Variants in METTL8 observed in about 807,000 individuals in gnomAD.
The protein encoded by METTL8 is methyltransferase 8, tRNA N3-cytidine, also known as tRNA N(3)-cytidine methyltransferase METTL8, mitochondrial.
Under a neutral mutation model 48.7 loss-of-function variants are expected in METTL8, and 32 were observed. The observed-to-expected ratio is 0.66, with a 90% CI of 0.50 to 0.88. The LOEUF is 0.88. Among genes scored for constraint, METTL8 ranks in the 40% least tolerant of loss-of-function variants. The pLI is 0.00. For missense variants in METTL8, 464 were observed against 474.4 expected (o/e 0.98, Z 0.20); for synonymous variants, 136 against 157.1 (o/e 0.87, Z 1.01).
chr2:171,387,040 A>G (rs1688122925), intron 2 of METTL8, among the ~76,000 whole-genome samples: 1 of 151,996 alleles, frequency 6.6e-6, no homozygotes, highest in Non-Finnish European at 1.5e-5. Context: ...AGCTACTTCC[A>G]CTCAGTAAAA....
chr2:171,337,438 A>T lies in METTL8; in HGVS notation c.656+15T>A, dbSNP rs1686238559. 1 of 1,568,098 alleles carries T rather than the reference A, an allele frequency of 6.4e-7. No homozygotes were observed. Among genetic ancestry groups the T allele is most frequent in the East Asian group, 2.3e-5 (1 of 44,022 alleles). ...ATATGTAAAATTCTGTAGAAAGAAAACTCTTAAAACTCACTCCAAAGTGTT... is the reference window on the plus strand; with the variant it reads ...ATATGTAAAATTCTGTAGAAAGAAATCTCTTAAAACTCACTCCAAAGTGTT... On this transcript the variant is annotated intron_variant, in intron 5 of 9. Transcript: ENST00000375258.
At chr2:171,338,954 T>A (rs1686418546) in intron 4 of METTL8, among the ~76,000 whole-genome samples, 2 of 145,484 alleles carry the variant, frequency 1.4e-5, no homozygotes, top group Admixed American at 1.4e-4. Flanking sequence ...AAACAGACAA[T>A]TTTTTTTTTT....
intron 3 of METTL8, among the ~76,000 whole-genome samples, chr2:171,345,144 G>C (rs545250818): frequency 1.1e-4 from 17 of 152,156 alleles, no homozygotes; most frequent in African/African-American, 3.6e-4. Context: ...GGGATGTAGC[G>C]ATCTGTTTAA....
At chr2:171,397,692 CAT>C (rs1275562990) in intron 1 of METTL8, among the ~76,000 whole-genome samples, 16 of 151,668 alleles carry the variant, frequency 1.1e-4, no homozygotes, top group African/African-American at 3.9e-4. Context: ...TGATATCAAA[CAT>C]GTGTTTCACA....
chr2:171,428,017 A>G (rs188974269), intron 1 of METTL8, among the ~76,000 whole-genome samples: 3 of 152,354 alleles, frequency 2.0e-5, no homozygotes, highest in African/African-American at 7.2e-5. Flanking sequence ...AAAGTATATG[A>G]ACAAAAAGCA....
chr2:171,395,505 G>A (rs1338027415), intron 1 of METTL8, among the ~76,000 whole-genome samples: 1 of 151,984 alleles, frequency 6.6e-6, no homozygotes, highest in Non-Finnish European at 1.5e-5. Context: ...CGTAAAAAAA[G>A]GTATACTATG....
chr2:171,335,980 T>C (rs879838828), intron 5 of METTL8, among the ~76,000 whole-genome samples: 5 of 152,060 alleles, frequency 3.3e-5, no homozygotes, highest in African/African-American at 4.8e-5. Context: ...AGATTGGCCA[T>C]AGATAAAAGG....
chr2:171,401,270 T>C (rs1401652047), intron 1 of METTL8, among the ~76,000 whole-genome samples: 2 of 152,124 alleles, frequency 1.3e-5, no homozygotes, highest in Non-Finnish European at 2.9e-5. Context: ...TACACTGCAG[T>C]GAAAACTGAA....
chr2:171,409,742 A>C (rs1690558721), intron 1 of METTL8, among the ~76,000 whole-genome samples: 1 of 152,114 alleles, frequency 6.6e-6, no homozygotes, highest in Non-Finnish European at 1.5e-5. Context: ...GAATGGAAGG[A>C]AGTCCTCTGA....
At chr2:171,384,072 G>C (rs1262624442) in intron 2 of METTL8, among the ~76,000 whole-genome samples, 1 of 152,180 alleles carries the variant, frequency 6.6e-6, no homozygotes, top group East Asian at 1.9e-4. Flanking sequence ...AACCAACTGT[G>C]ATGTATACAA....
At chr2:171,363,288 T>C (rs184530733) in intron 2 of METTL8, among the ~76,000 whole-genome samples, 33 of 152,246 alleles carry the variant, frequency 2.2e-4, no homozygotes, top group Admixed American at 1.8e-3. Flanking sequence ...ACTGTATTTA[T>C]GGGGACTTCC....
At chr2:171,398,025 G>A (rs151311809) in intron 1 of METTL8, among the ~76,000 whole-genome samples, 4 of 152,244 alleles carry the variant, frequency 2.6e-5, no homozygotes, top group Non-Finnish European at 5.9e-5. Flanking sequence ...GGAAATTGGA[G>A]CCCTTATTCA....
At chr2:171,429,451 A>C (rs2105682750) in intron 1 of METTL8, among the ~76,000 whole-genome samples, 1 of 152,358 alleles carries the variant, frequency 6.6e-6, no homozygotes, top group South Asian at 2.1e-4. Flanking sequence ...TCTGTAAGGA[A>C]GGTACGCCAC....
At chr2:171,359,881 G>A (rs1013097483) in intron 3 of METTL8, among the ~76,000 whole-genome samples, 7 of 152,070 alleles carry the variant, frequency 4.6e-5, no homozygotes, top group South Asian at 2.1e-4. Flanking sequence ...GTGAGCCACC[G>A]CGCCGGCTCC....
intron 1 of METTL8, among the ~76,000 whole-genome samples, chr2:171,406,839 T>C (rs955249528): frequency 3.9e-5 from 6 of 152,194 alleles, no homozygotes; most frequent in Non-Finnish European, 7.4e-5. Flanking sequence ...ATAAGTCCCA[T>C]TGTTAAGTAG....
At chr2:171,361,340 A>T (rs1573975923) in intron 2 of METTL8, among the ~76,000 whole-genome samples, 1 of 152,130 alleles carries the variant, frequency 6.6e-6, no homozygotes, top group Admixed American at 6.5e-5. Flanking sequence ...AAACAATAAA[A>T]AAATTACACA....
intron 2 of METTL8, among the ~76,000 whole-genome samples, chr2:171,365,738 G>C (rs1685649183): frequency 6.6e-6 from 1 of 152,192 alleles, no homozygotes; most frequent in South Asian, 2.1e-4. Context: ...GGCCATGACA[G>C]AGTACCTGGC....
upstream of METTL8, chr2:171,434,101 A>C (rs1693540472): frequency 5.9e-6 from 2 of 336,184 alleles, no homozygotes; most frequent in African/African-American, 2.3e-5. Flanking sequence ...CACTCGCAGC[A>C]CAGAGAAGCG....
Position 171,339,321 on chromosome 2 carries a change from C to T in METTL8, c.469G>A (p.Glu157Lys). ...CCTTCTGAAGAACCAGAACTTTTCT[C>T]ATAATGATTTTTTTCATCAGGCACA... ...PTVPDEKNHYEKSSGSSEGQS... is the reference protein window; with the variant it reads ...PTVPDEKNHYKKSSGSSEGQS... The change falls in exon 4 of 10, where the codon GAG (glutamate) becomes AAG (lysine). Residue 157 changes from glutamate (E) to lysine (K), a missense_variant. Coordinates refer to ENST00000375258, the MANE Select transcript of METTL8 (RefSeq NM_001321154.2). The T allele has an allele frequency of 1.2e-6, 2 of 1,612,870 alleles. No individual in the cohort carries two copies. Among genetic ancestry groups the T allele is most frequent in the Non-Finnish European group, 1.7e-6 (2 of 1,179,240 alleles).
Sources: gnomAD v4.1 joint callset for allele counts (sites outside exome capture counted in the v4.1 genomes callset) on GRCh38, gnomAD v4.1.1 for gene constraint, MANE v1.5 for transcripts, NCBI Gene and HGNC (gene_info 2026-07-23, HGNC 2026-07-21) for gene names.